Variants in SLC25A26 observed in about 807,000 individuals in gnomAD.
The protein encoded by SLC25A26 is mitochondrial S-adenosylmethionine carrier protein.
Under a neutral mutation model 37.8 loss-of-function variants are expected in SLC25A26, and 36 were observed. That is an observed-to-expected ratio of 0.95 (90% CI 0.73 to 1.26). The LOEUF is 1.26. Ranked by LOEUF, SLC25A26 falls within the 50% of genes most tolerant of loss-of-function variation. The pLI is 0.00. For synonymous variants in SLC25A26, 129 were observed against 122.5 expected, an observed-to-expected ratio of 1.05 and a Z score of -0.35; for missense variants, 390 against 331.1, an observed-to-expected ratio of 1.18 and a Z score of -1.38.
intron 9 of SLC25A26, 66 bp downstream of exon 9, chr3:66,370,668 T>G: frequency 7.9e-7 from 1 of 1,262,876 alleles, no homozygotes; most frequent in Non-Finnish European, 1.1e-6. Flanking sequence ...AGCCTAACTT[T>G]GGATGAACAC....
At chr3:66,354,436 C>G (rs1334650561) in intron 6 of SLC25A26, among the ~76,000 whole-genome samples, 1 of 152,164 alleles carries the variant, frequency 6.6e-6, no homozygotes, top group Admixed American at 6.5e-5. Context: ...ATTATCACTT[C>G]ACTTATATCA....
At chr3:66,218,516 C>A (rs1466116883), upstream of SLC25A26, among the ~76,000 whole-genome samples, 5 of 152,164 alleles carry the variant, frequency 3.3e-5, no homozygotes, top group Non-Finnish European at 5.9e-5. Context: ...CGGCATTTCC[C>A]TGATGTGGTA....
chr3:66,165,869 A>G (rs926430291), intron 1 of SLC25A26, among the ~76,000 whole-genome samples: 1 of 152,068 alleles, frequency 6.6e-6, no homozygotes, highest in African/African-American at 2.4e-5. Context: ...ACAACATGCA[A>G]GGAGTGGTAA....
Position 66,274,416 on chromosome 3 carries a change from A to G in SLC25A26, c.453+11037A>G, listed in dbSNP as rs1396312625. On this transcript the variant is annotated intron_variant, in intron 5 of 9. Transcript: ENST00000354883. ...TTGACAAATGGGATCTAATTAAACT[A>G]AAGAGCTTCTGCACAGCAAAAGAAA... 6.6e-5 allele frequency among the ~76,000 whole-genome samples: 10 copies of G among 152,086 alleles called. 1 individual carries two copies. The South Asian group carries it at 1.7e-3, about 25-fold the overall frequency.
At chr3:66,360,467 T>G (rs1427183376) in intron 6 of SLC25A26, among the ~76,000 whole-genome samples, 1 of 152,126 alleles carries the variant, frequency 6.6e-6, no homozygotes, top group Non-Finnish European at 1.5e-5. Context: ...TATTCACAGA[T>G]GATACGGTCA....
At chr3:66,167,708 C>T (rs1039931590) in intron 1 of SLC25A26, among the ~76,000 whole-genome samples, 7 of 152,190 alleles carry the variant, frequency 4.6e-5, no homozygotes, top group Non-Finnish European at 1.0e-4. Flanking sequence ...TCATTCAATT[C>T]TGTCCTGCAG....
chr3:66,159,598 A>G (rs2070329310), intron 1 of SLC25A26, among the ~76,000 whole-genome samples: 1 of 152,184 alleles, frequency 6.6e-6, no homozygotes, highest in Admixed American at 6.5e-5. Context: ...CAGGTAAAGC[A>G]CCACTACATT....
intron 5 of SLC25A26, among the ~76,000 whole-genome samples, chr3:66,291,673 G>GTT (rs2074714143): frequency 6.7e-6 from 1 of 149,948 alleles, no homozygotes; most frequent in Admixed American, 6.7e-5. Context: ...GAGAGACTAT[G>GTT]ATGATTTCCA....
intron 1 of SLC25A26, among the ~76,000 whole-genome samples, chr3:66,144,306 C>A (rs1419947551): frequency 6.6e-6 from 1 of 152,094 alleles, no homozygotes; most frequent in East Asian, 1.9e-4. Flanking sequence ...AGTGTAAGTA[C>A]AGTTTCTAAC....
intron 2 of SLC25A26, among the ~76,000 whole-genome samples, chr3:66,241,113 C>G (rs900263585): frequency 6.6e-6 from 1 of 151,502 alleles, no homozygotes; most frequent in Non-Finnish European, 1.5e-5. Flanking sequence ...CAAATTATCA[C>G]GAATCTCCAA....
intron 7 of SLC25A26, among the ~76,000 whole-genome samples, chr3:66,368,914 A>G (rs1206785578): frequency 6.6e-6 from 1 of 151,754 alleles, no homozygotes; most frequent in African/African-American, 2.4e-5. Context: ...GCTACTCAGG[A>G]GGAGGCTAAG....
intron 5 of SLC25A26, among the ~76,000 whole-genome samples, chr3:66,289,909 A>G (rs1399348606): frequency 6.6e-6 from 1 of 152,218 alleles, no homozygotes; most frequent in African/African-American, 2.4e-5. Context: ...TACTTTGAGC[A>G]GTATGGCCAT....
intron 1 of SLC25A26, among the ~76,000 whole-genome samples, chr3:66,171,487 G>A (rs1429657791): frequency 6.6e-6 from 1 of 152,046 alleles, no homozygotes. Context: ...AGGACCCTGA[G>A]ATTTTTCTTT....
intron 9 of SLC25A26, among the ~76,000 whole-genome samples, chr3:66,373,793 ATAGC>A (rs1700485217): frequency 6.6e-6 from 1 of 151,966 alleles, no homozygotes; most frequent in Non-Finnish European, 1.5e-5. Context: ...ATTTAAACCC[ATAGC>A]TAGCTAACTA....
chr3:66,236,762 G>A (rs2072311263), intron 2 of SLC25A26, 62 bp downstream of exon 2: 1 of 1,324,204 alleles, frequency 7.6e-7, no homozygotes, highest in African/African-American at 1.5e-5. Flanking sequence ...AGAATGGTGT[G>A]TGGTCTTACC....
chr3:66,253,662 C>T (rs2073184704), intron 3 of SLC25A26, among the ~76,000 whole-genome samples: 2 of 152,058 alleles, frequency 1.3e-5, no homozygotes, highest in Admixed American at 6.6e-5. Context: ...CAGGAAGACC[C>T]ATTTTGGAAT....
intron 1 of SLC25A26, among the ~76,000 whole-genome samples, chr3:66,173,011 A>T (rs925601298): frequency 1.3e-5 from 2 of 152,018 alleles, no homozygotes; most frequent in African/African-American, 4.8e-5. Context: ...ACACATTTCA[A>T]CCCCAACAGG....
intron 5 of SLC25A26, among the ~76,000 whole-genome samples, chr3:66,309,762 T>G (rs142443651): frequency 4.5e-4 from 68 of 152,316 alleles, no homozygotes; most frequent in African/African-American, 1.6e-3. Flanking sequence ...TCGTTATTTA[T>G]CTAATAGTCA....
intron 1 of SLC25A26, among the ~76,000 whole-genome samples, chr3:66,234,614 T>A (rs544889524): frequency 1.2e-3 from 180 of 152,354 alleles, no homozygotes; most frequent in South Asian, 2.9e-3. Context: ...CTGTGCTAGT[T>A]AATTTGAAAA....
Sources: gnomAD v4.1 joint callset for allele counts (sites outside exome capture counted in the v4.1 genomes callset) on GRCh38, gnomAD v4.1.1 for gene constraint, MANE v1.5 for transcripts, NCBI Gene and HGNC (gene_info 2026-07-23, HGNC 2026-07-21) for gene names.